The following LAMA5 variants were observed in gnomAD, a reference collection of about 807,000 sequenced individuals.
The protein encoded by LAMA5 is laminin subunit alpha 5.
Under a neutral mutation model 433.4 loss-of-function variants are expected in LAMA5, and 260 were observed. The ratio of observed to expected loss-of-function variants is 0.60; its 90% CI spans 0.54 to 0.66. LAMA5 has a LOEUF of 0.66. Among genes scored for constraint, LAMA5 ranks in the 30% least tolerant of loss-of-function variants. The probability of loss-of-function intolerance (pLI) is 0.00; values close to 1 mark genes in which losing one functional copy is unlikely to be tolerated. For synonymous variants in LAMA5, 2,620 were observed against 2,226.6 expected (o/e 1.18, Z -4.97); for missense variants, 5,378 against 5,258.5 (o/e 1.02, Z -0.70).
intron 26 of LAMA5, 28 bp downstream of exon 26, chr20:62,333,062 T>C (rs547950839): frequency 3.4e-6 from 5 of 1,467,918 alleles, no homozygotes; most frequent in Admixed American, 2.8e-5. Flanking sequence ...GCAACACCCA[T>C]TGCTCCGTGG....
chr20:62,312,533 C>T lies in LAMA5; in HGVS notation c.9228-1G>A. On this transcript the variant is annotated splice_acceptor_variant, in intron 67 of 79. Coordinates refer to ENST00000252999, the MANE Select transcript of LAMA5 (RefSeq NM_005560.6). LOFTEE classifies it high-confidence loss of function. ...TCCGGTGGGGAAGAGCCGTCGCAGG[C>T]TGTGGGGAAGCGGGGATGCGGGTCA... The T allele has an allele frequency of 6.3e-7, 1 of 1,599,516 alleles. No homozygotes were observed. The highest frequency in any genetic ancestry group is 8.5e-7 in the Non-Finnish European group (1 of 1,179,526).
chr20:62,319,879 C>A, intron 50 of LAMA5, 84 bp from the exon 51 acceptor site: 1 of 1,049,950 alleles, frequency 9.5e-7, no homozygotes, highest in Non-Finnish European at 1.4e-6. Context: ...TGGGGGAGCG[C>A]CGAGGGTCCC....
rs764090797 is a variant in LAMA5 at position 62,325,509 on chromosome 20, GAC to G, written c.5334_5335del (p.Ser1779ProfsTer114). On this transcript the variant is annotated frameshift_variant, in exon 41 of 80. Transcript: ENST00000252999. LOFTEE classifies it high-confidence loss of function. ...CAGCACCATCATGAGCTCCTCGCGG[GAC>G]ACAGTGTTGCGCGTCTCCGTATGCC... The G allele has an allele frequency of 1.9e-6, 3 of 1,612,410 alleles. No homozygotes were observed. In the South Asian group the frequency reaches 3.3e-5, roughly 18 times the overall value.
chr20:62,330,188 A>G (rs1020866934), intron 31 of LAMA5, among the ~76,000 whole-genome samples: 5 of 152,252 alleles, frequency 3.3e-5, no homozygotes, highest in Non-Finnish European at 5.9e-5. Flanking sequence ...AACCAGACAA[A>G]CACACAGGGC....
In LAMA5 at chr20:62,310,157, C is replaced by T. The variant is rs375625372; in HGVS notation, c.10734+21G>A. The stretch of plus-strand genomic sequence containing the variant: ...TGGGGAGGCAAACCCTGCCCTGGCA[C>T]GCCACCTCTGCCAGGCTTACTTGCT... On this transcript the variant is annotated intron_variant, in intron 77 of 79. Transcript: ENST00000252999. 4.8e-5 allele frequency: 77 copies of T among 1,612,000 alleles called. 1 individual carries two copies. Among genetic ancestry groups the T allele is most frequent in the Non-Finnish European group, 5.3e-5 (62 of 1,179,944 alleles).
rs899388996 is a variant in LAMA5 at position 62,367,099 on chromosome 20, G to A, written c.147C>T (p.Tyr49=). 98 of 1,278,686 alleles carry A rather than the reference G, an allele frequency of 7.7e-5. No homozygotes were observed. Among genetic ancestry groups the A allele is most frequent in the Non-Finnish European group, 9.0e-5 (91 of 1,015,830 alleles). 79.2% of individuals were successfully genotyped at this position (1,278,686 alleles called of 1,614,324 possible). A position where few individuals can be genotyped will look rare whatever the true frequency, so the allele number is the denominator to read the frequency against. The change falls in exon 1 of 80, where the codon TAC becomes TAT. Residue 49 remains tyrosine (Y), a synonymous_variant. Transcript: ENST00000252999. ...AGGGFSLHPP[Y]FNLAEGARIA... ...TGCGGGCGCCCTCGGCCAGGTTGAA[G>A]TAGGGCGGGTGCAGGCTGAAGCCGC... is the stretch of plus-strand genomic sequence containing the variant.
chr20:62,335,340 C>G, intron 18 of LAMA5, 71 bp from the exon 19 acceptor site: 1 of 1,521,070 alleles, frequency 6.6e-7, no homozygotes, highest in East Asian at 2.3e-5. Context: ...CCCGAGGAAC[C>G]CCCACACCCT....
At chr20:62,315,385 G>GCC (rs2146066058) in intron 58 of LAMA5, among the ~76,000 whole-genome samples, 178 bp from the exon 59 acceptor site, 1 of 152,056 alleles carries the variant, frequency 6.6e-6, no homozygotes, top group African/African-American at 2.4e-5. Flanking sequence ...TCCACCAGAC[G>GCC]CCCCCTCCAT....
In LAMA5 at chr20:62,326,703, G is replaced by T; in HGVS notation, c.5272C>A (p.His1758Asn). Reference sequence around the variant, plus strand: ...TCCACCAGCTGCAGCTGCCCACGGTGAACGTGGCCAGGCGTGGGGTATGCC... The same window carrying T: ...TCCACCAGCTGCAGCTGCCCACGGTTAACGTGGCCAGGCGTGGGGTATGCC... The part of the protein sequence containing the change: ...EPAYPTPGHV[H>N]RGQLQLVEGN... Residue 1758 changes from histidine to asparagine, a missense_variant, in exon 40 of 80, where the codon CAC (histidine) becomes AAC (asparagine). His to Asn is a moderately conservative substitution (Grantham distance 68). Coordinates refer to ENST00000252999, the MANE Select transcript of LAMA5 (RefSeq NM_005560.6). 1 of 1,612,786 alleles carries T rather than the reference G, an allele frequency of 6.2e-7. No homozygotes were observed. Among genetic ancestry groups the T allele is most frequent in the Middle Eastern group, 1.7e-4 (1 of 6,034 alleles).
rs751699084 is a variant in LAMA5, at chr20:62,333,202, G to C, written c.3170C>G (p.Ser1057Trp). ...YTHLPLDGFP[S>W]AAGLEALCRQ... is the part of the protein sequence containing the mutation. ...ACACAGGGCCTCCAGCCCGGCGGCCGAGGGGAAGCCATCCAGGGGGAGGTG... is the reference window on the plus strand; with the variant it reads ...ACACAGGGCCTCCAGCCCGGCGGCCCAGGGGAAGCCATCCAGGGGGAGGTG... Residue 1057 changes from serine (S) to tryptophan (W), a missense_variant, in exon 26 of 80, where the codon TCG (serine) becomes TGG (tryptophan). Transcript: ENST00000252999. The C allele has an allele frequency of 2.6e-6, 4 of 1,522,696 alleles. No homozygotes were observed. The African/African-American group carries it at 4.2e-5, about 16-fold the overall frequency. 94.3% of individuals were successfully genotyped at this position (1,522,696 alleles called of 1,614,324 possible). A position where few individuals can be genotyped will look rare whatever the true frequency, so the allele number is the denominator to read the frequency against.
rs763529176 is a variant in LAMA5, at chr20:62,329,102, C to T, written c.4235+36G>A. 3.7e-6 allele frequency: 6 copies of T among 1,612,074 alleles called. No individual in the cohort carries two copies. In the East Asian group the frequency reaches 8.9e-5, roughly 24 times the overall value. On this transcript the variant is annotated intron_variant, in intron 33 of 79. Coordinates refer to ENST00000252999, the MANE Select transcript of LAMA5 (RefSeq NM_005560.6). ...GAGGCCAGCTCCCGGCCCAGACCCC[C>T]ACCCCGGACCCCTGACCTGCCAGAG...
chr20:62,338,138 C>A lies in LAMA5; in HGVS notation c.1769G>T (p.Ser590Ile). ...GCCCTCGGGCAAGGTTCCTGCAGGG[C>A]TGCAGCCACACACTGCAGAGCGGAG... ...HFPLCQLCGC[S>I]PAGTLPEGCD... The change falls in exon 14 of 80, where the codon AGC (serine) becomes ATC (isoleucine). Residue 590 changes from serine (S) to isoleucine (I), a missense_variant. Coordinates refer to ENST00000252999, the MANE Select transcript of LAMA5 (RefSeq NM_005560.6). 6.3e-7 allele frequency: 1 copy of A among 1,586,504 alleles called. No individual in the cohort carries two copies.
chr20:62,309,603 T>TGGGAGGAGGGTGGGAGGGGGCAGA (rs1985907933), intron 79 of LAMA5, 113 bp downstream of exon 79: 7 of 284,356 alleles, frequency 2.5e-5, no homozygotes, highest in Admixed American at 1.1e-4. Flanking sequence ...GGTAGGGGGG[T>TGGGAGGAGGGTGGGAGGGGGCAGA]GGGAGGAGGG....
chr20:62,358,069 C>G (rs1198079201), intron 2 of LAMA5, among the ~76,000 whole-genome samples: 1 of 152,082 alleles, frequency 6.6e-6, no homozygotes, highest in African/African-American at 2.4e-5. Flanking sequence ...AGACAGAAAA[C>G]AGGAAGCCTT....
In LAMA5 at chr20:62,333,087, C is replaced by T; in HGVS notation, c.3282+3G>A. 1.3e-6 allele frequency: 2 copies of T among 1,499,880 alleles called. No homozygotes were observed. The highest frequency in any genetic ancestry group is 8.9e-7 in the Non-Finnish European group (1 of 1,127,104). The allele number at this position is 1,499,880 out of a possible 1,614,324, so 92.9% of individuals were successfully genotyped here. A position where few individuals can be genotyped will look rare whatever the true frequency, so the allele number is the denominator to read the frequency against. On this transcript the variant is annotated splice_donor_region_variant and intron_variant, in intron 26 of 79. Coordinates refer to ENST00000252999, the MANE Select transcript of LAMA5 (RefSeq NM_005560.6). ...TTGCTCCGTGGGGTCCCAGGACACG[C>T]ACATCACTGCCCGTGCAGGTGATCA...
rs1248374171 is a variant in LAMA5, at chr20:62,359,191, T to C, written c.450+3209A>G. 1.3e-5 allele frequency among the ~76,000 whole-genome samples: 2 copies of C among 151,980 alleles called. No homozygotes were observed. The highest frequency in any genetic ancestry group is 1.3e-4 in the Admixed American group (2 of 15,282). On this transcript the variant is annotated intron_variant, in intron 2 of 79. Coordinates refer to ENST00000252999, the MANE Select transcript of LAMA5 (RefSeq NM_005560.6). This position sits in a 1 kb window ranked among gnomAD's most constrained non-coding sequence, Gnocchi z 4.3. ...CGGAAGGGGGCCCGTGCGTCCTCACTCCTCATCTGAGGGAGGCGGGAGGCA... is the reference window on the plus strand; with the variant it reads ...CGGAAGGGGGCCCGTGCGTCCTCACCCCTCATCTGAGGGAGGCGGGAGGCA...
At chr20:62,344,923 G>A (rs964174710) in intron 11 of LAMA5, among the ~76,000 whole-genome samples, 2 of 152,226 alleles carry the variant, frequency 1.3e-5, no homozygotes, top group East Asian at 3.8e-4. Flanking sequence ...AGGACAGGGT[G>A]CAGAGCGCAT....
In LAMA5 at chr20:62,316,823, G is replaced by A. The variant is rs368348834; in HGVS notation, c.7654-50C>T. 6.9e-5 allele frequency: 107 copies of A among 1,553,614 alleles called. No homozygotes were observed. The African/African-American group carries it at 8.1e-4, about 12-fold the overall frequency. On this transcript the variant is annotated intron_variant, in intron 56 of 79. Transcript: ENST00000252999. ...GCTCAGACACGCAGGCCGGGGCTGC[G>A]GGAGGTGCAGGCAGTGGGGGCGCTC...
chr20:62,322,200 G>T (rs758874568), intron 47 of LAMA5, 32 bp from the exon 48 acceptor site: 1 of 1,572,930 alleles, frequency 6.4e-7, no homozygotes, highest in Admixed American at 1.8e-5. Flanking sequence ...AGCATGGCTG[G>T]CCTGGGACCT....
Sources: gnomAD v4.1 joint callset for allele counts (sites outside exome capture counted in the v4.1 genomes callset) on GRCh38, gnomAD v4.1.1 for gene constraint, Gnocchi (gnomAD v3.1) non-coding constraint, MANE v1.5 for transcripts, NCBI Gene and HGNC (gene_info 2026-07-23, HGNC 2026-07-21) for gene names.